IL1RAPL1: variants seen among roughly 807,000 people sequenced by gnomAD.
IL1RAPL1 encodes interleukin-1 receptor accessory protein-like 1.
In IL1RAPL1, 3 loss-of-function variants were observed where a neutral mutation model predicts 48.4. The observed-to-expected ratio is 0.06, with a 90% confidence interval of 0.03 to 0.16. The LOEUF is 0.16. Ranked by LOEUF, IL1RAPL1 falls within the 10% of genes least tolerant of loss-of-function variation. The pLI, the probability that IL1RAPL1 is intolerant of heterozygous loss-of-function variation, is 1.00. For synonymous variants in IL1RAPL1, 185 were observed against 187.7 expected, an observed-to-expected ratio of 0.99 and a Z score of 0.12; for missense variants, 349 against 530.6, an observed-to-expected ratio of 0.66 and a Z score of 3.36.
intron 6 of IL1RAPL1, among the ~76,000 whole-genome samples, chrX:29,893,044 A>T (rs1000226061): frequency 9.0e-6 from 1 of 111,524 alleles, no homozygotes; most frequent in Non-Finnish European, 1.9e-5. Context: ...CACCTAGTAG[A>T]TCTTATCTTA....
chrX:29,796,489 TAAGA>T (rs1929743765), intron 6 of IL1RAPL1, among the ~76,000 whole-genome samples: 1 of 111,650 alleles, frequency 9.0e-6, no homozygotes, highest in Admixed American at 9.5e-5. Context: ...GCCAGATACC[TAAGA>T]GTCATTCTCT....
chrX:29,641,433 C>T (rs773836782), intron 5 of IL1RAPL1, among the ~76,000 whole-genome samples: 111 of 112,391 alleles, frequency 9.9e-4, no homozygotes, highest in Admixed American at 2.6e-3. Flanking sequence ...TGCTCTTCTC[C>T]CAGGTGTTTA....
intron 1 of IL1RAPL1, among the ~76,000 whole-genome samples, chrX:28,786,927 G>A (rs1476212262): frequency 1.8e-5 from 2 of 111,956 alleles, no homozygotes; most frequent in Non-Finnish European, 3.8e-5. Context: ...GGATGTCTAT[G>A]GCTAGATACA....
intron 1 of IL1RAPL1, among the ~76,000 whole-genome samples, chrX:28,749,249 T>C (rs895128835): frequency 3.6e-5 from 4 of 112,144 alleles, no homozygotes; most frequent in African/African-American, 1.3e-4. Flanking sequence ...TTTGACGTAC[T>C]CATTTCAGTT....
chrX:29,754,821 A>T (rs1182842572), intron 6 of IL1RAPL1, among the ~76,000 whole-genome samples: 1 of 110,621 alleles, frequency 9.0e-6, no homozygotes, highest in African/African-American at 3.3e-5. Context: ...ATTGTTACGT[A>T]ACAAATTAGC....
intron 1 of IL1RAPL1, among the ~76,000 whole-genome samples, chrX:28,722,354 G>T (rs780700462): frequency 1.8e-5 from 2 of 111,407 alleles, no homozygotes; most frequent in African/African-American, 6.5e-5. Context: ...TCTCTTTGAA[G>T]CAATTGTGAA....
Position 29,509,228 on chromosome X carries a change from C to G in IL1RAPL1, c.703+109920C>G, listed in dbSNP as rs181136102. Among the ~76,000 whole-genome samples, 6 of 112,219 alleles carry G rather than the reference C, an allele frequency of 5.3e-5. No homozygotes were observed. The East Asian group carries it at 1.7e-3, about 31-fold the overall frequency. ...AGGTACAAACTGAAGCTGCAGTCTA[C>G]AGATGGAATTTCTTCTTCAGAAAAG... On this transcript the variant is annotated intron_variant, in intron 5 of 10. Coordinates refer to ENST00000378993, the MANE Select transcript of IL1RAPL1 (RefSeq NM_014271.4).
intron 6 of IL1RAPL1, among the ~76,000 whole-genome samples, chrX:29,820,544 A>C (rs1447068198): frequency 9.0e-6 from 1 of 111,677 alleles, no homozygotes; most frequent in Non-Finnish European, 1.9e-5. Flanking sequence ...ATGTCCTAAT[A>C]ATTATACCTA....
At chrX:29,546,126 C>T (rs1372081394) in intron 5 of IL1RAPL1, among the ~76,000 whole-genome samples, 1 of 111,885 alleles carries the variant, frequency 8.9e-6, no homozygotes, top group African/African-American at 3.2e-5. Flanking sequence ...AGTCAATTAT[C>T]TGGCCCCAAA....
chrX:28,722,956 G>A (rs777854921), intron 1 of IL1RAPL1, among the ~76,000 whole-genome samples: 4 of 111,479 alleles, frequency 3.6e-5, no homozygotes, highest in South Asian at 7.6e-4. Context: ...CTTGATCATG[G>A]TGGATAAGCT....
intron 2 of IL1RAPL1, among the ~76,000 whole-genome samples, chrX:29,270,099 A>G (rs1417661565): frequency 8.9e-6 from 1 of 111,888 alleles, no homozygotes; most frequent in African/African-American, 3.2e-5. Context: ...TAATTCATTC[A>G]TTTTTAACTA....
At chrX:28,604,644 T>C (rs1423350480) in intron 1 of IL1RAPL1, among the ~76,000 whole-genome samples, 2 of 105,089 alleles carry the variant, frequency 1.9e-5, no homozygotes, top group Non-Finnish European at 1.9e-5. Context: ...GGAGAATCAC[T>C]TGAACCCGGG....
chrX:29,080,592 A>C (rs1045504037), intron 2 of IL1RAPL1, among the ~76,000 whole-genome samples: 1 of 109,612 alleles, frequency 9.1e-6, no homozygotes, highest in Non-Finnish European at 1.9e-5. Context: ...TTCTAATATA[A>C]ATACATGCAG....
intron 5 of IL1RAPL1, among the ~76,000 whole-genome samples, chrX:29,426,820 A>G (rs1316984243): frequency 9.0e-6 from 1 of 111,293 alleles, no homozygotes; most frequent in Non-Finnish European, 1.9e-5. Flanking sequence ...CAAAAACTAC[A>G]GAAAATTAGG....
At chrX:29,064,011 A>G (rs943370268) in intron 2 of IL1RAPL1, among the ~76,000 whole-genome samples, 1 of 112,051 alleles carries the variant, frequency 8.9e-6, no homozygotes, top group Non-Finnish European at 1.9e-5. Context: ...GTACACCTAT[A>G]GAAAGATGAG....
At chrX:28,985,729 G>T (rs1322389810) in intron 2 of IL1RAPL1, among the ~76,000 whole-genome samples, 10 of 103,167 alleles carry the variant, frequency 9.7e-5, no homozygotes, top group African/African-American at 3.7e-4. Flanking sequence ...GCGCGATCTC[G>T]GCTCACTACA....
intron 2 of IL1RAPL1, among the ~76,000 whole-genome samples, chrX:28,909,809 G>A (rs1056255131): frequency 5.4e-5 from 6 of 111,017 alleles, no homozygotes; most frequent in African/African-American, 2.0e-4. Context: ...ATTCCCCTTC[G>A]CAAATTTGCA....
chrX:29,171,228 C>T (rs1929901456), intron 2 of IL1RAPL1, among the ~76,000 whole-genome samples: 1 of 111,603 alleles, frequency 9.0e-6, no homozygotes, highest in Non-Finnish European at 1.9e-5. Flanking sequence ...AACTCCTGAC[C>T]TCAGGTGATT....
chrX:29,387,603 G>A (rs1346001468), intron 3 of IL1RAPL1, among the ~76,000 whole-genome samples: 2 of 112,405 alleles, frequency 1.8e-5, no homozygotes, highest in Non-Finnish European at 3.8e-5. Context: ...GTGATTGTGT[G>A]TAGCTTTTCA....
Sources: gnomAD v4.1 joint callset for allele counts (sites outside exome capture counted in the v4.1 genomes callset) on GRCh38, gnomAD v4.1.1 for gene constraint, MANE v1.5 for transcripts, NCBI Gene and HGNC (gene_info 2026-07-23, HGNC 2026-07-21) for gene names.